MACROD2: variants seen among roughly 807,000 people sequenced by gnomAD.
MACROD2 encodes the protein mono-ADP ribosylhydrolase 2, also known as ADP-ribose glycohydrolase MACROD2.
Under a neutral mutation model 70.4 loss-of-function variants are expected in MACROD2, and 36 were observed. That is an observed-to-expected ratio of 0.51 (90% CI 0.39 to 0.68). The LOEUF (loss-of-function observed/expected upper bound fraction) is 0.68. MACROD2 is among the 30% of genes least tolerant of loss of function. MACROD2 has a pLI of 0.00. For missense variants in MACROD2, 496 were observed against 538.4 expected, an observed-to-expected ratio of 0.92 and a Z score of 0.78; for synonymous variants, 172 against 178.8, an observed-to-expected ratio of 0.96 and a Z score of 0.30.
intron 3 of MACROD2, among the ~76,000 whole-genome samples, chr20:14,372,850 G>A (rs566495228): frequency 1.3e-5 from 2 of 152,072 alleles, no homozygotes; most frequent in Non-Finnish European, 2.9e-5. Context: ...AGATTTCATT[G>A]GTTCTGTTTG....
chr20:14,604,389 C>T (rs1423371153), intron 4 of MACROD2, among the ~76,000 whole-genome samples: 1 of 152,148 alleles, frequency 6.6e-6, no homozygotes, highest in African/African-American at 2.4e-5. Context: ...TTTTTTTGCT[C>T]TTGTGGGTAT....
chr20:14,684,773 C>T lies in MACROD2; in HGVS notation c.302-70C>T. ...GAAGAACAAATTGAGTTCTCTTCCT[C>T]TTCCCATCTTGAGCTTTATATTTAT... On this transcript the variant is annotated intron_variant, in intron 4 of 17. Coordinates refer to ENST00000684519, the MANE Select transcript of MACROD2 (RefSeq NM_001351661.2). 2.4e-6 allele frequency: 3 copies of T among 1,256,922 alleles called. No homozygotes were observed. In the Admixed American group the frequency reaches 5.3e-5, roughly 22 times the overall value. 77.9% of individuals were successfully genotyped at this position (1,256,922 alleles called of 1,614,324 possible).
At chr20:14,456,969 G>A (rs1361058211) in intron 3 of MACROD2, among the ~76,000 whole-genome samples, 3 of 151,796 alleles carry the variant, frequency 2.0e-5, no homozygotes, top group African/African-American at 7.3e-5. Context: ...CGCCCGCCTC[G>A]GCCTCCTGGT....
intron 7 of MACROD2, among the ~76,000 whole-genome samples, chr20:15,440,522 T>G (rs2046482096): frequency 2.0e-5 from 3 of 152,198 alleles, no homozygotes; most frequent in African/African-American, 7.2e-5. Context: ...CGCAATGTTA[T>G]GTTAACCTTG....
intron 1 of MACROD2, among the ~76,000 whole-genome samples, chr20:13,998,811 C>T (rs1024379947): frequency 5.3e-5 from 8 of 151,824 alleles, no homozygotes; most frequent in African/African-American, 1.9e-4. Flanking sequence ...AAAAATTAGC[C>T]GGTCGTGGTG....
chr20:16,036,109 T>C (rs368958582), intron 15 of MACROD2, among the ~76,000 whole-genome samples: 8 of 151,986 alleles, frequency 5.3e-5, no homozygotes, highest in African/African-American at 1.9e-4. Flanking sequence ...AAGGTTTGCT[T>C]TCGGTTGATA....
intron 5 of MACROD2, among the ~76,000 whole-genome samples, chr20:15,175,395 T>C (rs2076453088): frequency 6.6e-6 from 1 of 151,976 alleles, no homozygotes. Flanking sequence ...AACCTGCACA[T>C]TGTGCACATG....
chr20:14,537,215 C>T (rs961188510), intron 4 of MACROD2, among the ~76,000 whole-genome samples: 3 of 152,030 alleles, frequency 2.0e-5, no homozygotes, highest in Admixed American at 6.6e-5. Flanking sequence ...TAGGATTCTT[C>T]CAAAAGCAAA....
At chr20:15,937,570 T>TTA in intron 12 of MACROD2, 26 bp downstream of exon 12, 1 of 1,598,718 alleles carries the variant, frequency 6.3e-7, no homozygotes, top group Non-Finnish European at 8.6e-7. Flanking sequence ...CTATATCTAA[T>TTA]AATTGCAGAC....
intron 5 of MACROD2, among the ~76,000 whole-genome samples, chr20:15,029,973 C>T (rs879706022): frequency 1.3e-5 from 2 of 151,618 alleles, no homozygotes; most frequent in Non-Finnish European, 2.9e-5. Flanking sequence ...GCCTGTAAAC[C>T]CAGCTACCCA....
chr20:14,900,629 T>G (rs2073884008), intron 5 of MACROD2, among the ~76,000 whole-genome samples: 1 of 152,118 alleles, frequency 6.6e-6, no homozygotes. Flanking sequence ...AAAATCTTTT[T>G]TGTTTCTGCG....
chr20:14,122,180 C>T (rs190215656), intron 3 of MACROD2, among the ~76,000 whole-genome samples: 2 of 152,288 alleles, frequency 1.3e-5, no homozygotes, highest in Admixed American at 1.3e-4. Flanking sequence ...CATGCAGCTA[C>T]TCCAATACAT....
At chr20:15,807,927 C>A (rs942911921) in intron 8 of MACROD2, among the ~76,000 whole-genome samples, 2 of 152,066 alleles carry the variant, frequency 1.3e-5, no homozygotes, top group African/African-American at 2.4e-5. Flanking sequence ...AGCCTGGCGC[C>A]ACACCCTGGG....
chr20:14,649,131 T>G (rs994192154), intron 4 of MACROD2, among the ~76,000 whole-genome samples: 3 of 152,172 alleles, frequency 2.0e-5, no homozygotes, highest in Non-Finnish European at 4.4e-5. Context: ...CCCAGTTTTG[T>G]TAAAGAAATT....
At chr20:15,912,600 C>A (rs2065253195) in intron 10 of MACROD2, among the ~76,000 whole-genome samples, 1 of 152,056 alleles carries the variant, frequency 6.6e-6, no homozygotes, top group Non-Finnish European at 1.5e-5. Flanking sequence ...TTGGTAAGGA[C>A]AGGTTTGAAA....
Position 15,345,526 on chromosome 20 carries a change from A to G in MACROD2, c.541-85879A>G, listed in dbSNP as rs554264490. On this transcript the variant is annotated intron_variant, in intron 6 of 17. Coordinates refer to ENST00000684519, the MANE Select transcript of MACROD2 (RefSeq NM_001351661.2). ...ACTGGCCAAATCTGTGCCCTTTGACATTTCATTTCCAGGCTGTATATCAGT... is the reference window on the plus strand; with the variant it reads ...ACTGGCCAAATCTGTGCCCTTTGACGTTTCATTTCCAGGCTGTATATCAGT... 3.0e-4 allele frequency among the ~76,000 whole-genome samples: 46 copies of G among 152,250 alleles called. 3 individuals are homozygous for G. Among genetic ancestry groups the G allele is most frequent in the Admixed American group, 2.0e-3 (31 of 15,298 alleles).
chr20:15,585,920 T>C (rs192826088), intron 8 of MACROD2, among the ~76,000 whole-genome samples: 2 of 152,314 alleles, frequency 1.3e-5, no homozygotes, highest in East Asian at 3.9e-4. Context: ...GCCTTTCCTT[T>C]ACTATTAACC....
chr20:14,024,927 A>G (rs2053139961), intron 2 of MACROD2, among the ~76,000 whole-genome samples: 1 of 151,990 alleles, frequency 6.6e-6, no homozygotes, highest in Admixed American at 6.6e-5. Flanking sequence ...TGTTGTTTGG[A>G]ATAGTTTCTG....
chr20:15,342,110 T>C (rs1397934695), intron 6 of MACROD2, among the ~76,000 whole-genome samples: 3 of 152,186 alleles, frequency 2.0e-5, no homozygotes, highest in Non-Finnish European at 4.4e-5. Context: ...AAGTGATTGA[T>C]AGTTTAACAT....
Sources: gnomAD v4.1 joint callset for allele counts (sites outside exome capture counted in the v4.1 genomes callset) on GRCh38, gnomAD v4.1.1 for gene constraint, MANE v1.5 for transcripts, NCBI Gene and HGNC (gene_info 2026-07-23, HGNC 2026-07-21) for gene names.